OR2L13: variants seen among roughly 807,000 people sequenced by gnomAD.
OR2L13 encodes olfactory receptor 2L13.
A neutral mutation model predicts 15.3 loss-of-function variants in OR2L13; 14 were observed. The observed-to-expected ratio is 0.91, with a 90% CI of 0.60 to 1.43. OR2L13 has a LOEUF of 1.43. OR2L13 is among the 40% of genes most tolerant of loss of function. The pLI, the probability that OR2L13 is intolerant of heterozygous loss-of-function variation, is 0.00. For missense variants in OR2L13, 367 were observed against 387.9 expected (o/e 0.95, Z 0.45); for synonymous variants, 152 against 142.9 (o/e 1.06, Z -0.45).
At chr1:247,988,682 C>T in the OR2L13 span, among the ~76,000 whole-genome samples, 1 of 152,036 alleles carries the variant, frequency 6.6e-6, no homozygotes, top group Non-Finnish European at 1.5e-5. Context: ...CTAAAGACTT[C>T]AGTCCTTTTA....
chr1:247,966,172 C>T, the OR2L13 span: 13 of 1,614,094 alleles, frequency 8.1e-6, no homozygotes, highest in African/African-American at 4.0e-5. Context: ...ACACTCCTTG[C>T]GTTCCCCTTC....
chr1:248,071,005 G>C, the OR2L13 span, among the ~76,000 whole-genome samples: 1 of 152,086 alleles, frequency 6.6e-6, no homozygotes, highest in African/African-American at 2.4e-5. Flanking sequence ...ACCAAAAAGA[G>C]TCCAGGACCA....
At chr1:247,974,965 C>G in the OR2L13 span, 2 of 301,808 alleles carry the variant, frequency 6.6e-6, no homozygotes, top group Non-Finnish European at 1.4e-5. Context: ...TACATCTCCA[C>G]TATTGTCCCC....
chr1:248,032,603 A>G, the OR2L13 span, among the ~76,000 whole-genome samples: 3 of 152,210 alleles, frequency 2.0e-5, no homozygotes, highest in African/African-American at 7.2e-5. Flanking sequence ...ATAAATTCAT[A>G]CAATACTTGC....
the OR2L13 span, among the ~76,000 whole-genome samples, chr1:247,988,217 G>C: frequency 1.3e-5 from 2 of 151,692 alleles, no homozygotes; most frequent in African/African-American, 4.8e-5. Context: ...TGTTGGTCCT[G>C]TTATATTAAT....
the OR2L13 span, among the ~76,000 whole-genome samples, chr1:248,049,086 G>A: frequency 6.6e-6 from 1 of 152,034 alleles, no homozygotes; most frequent in African/African-American, 2.4e-5. Context: ...CTGTGCCTCC[G>A]TGGAAAACTG....
the OR2L13 span, among the ~76,000 whole-genome samples, chr1:247,969,478 A>G: frequency 6.6e-6 from 1 of 152,192 alleles, no homozygotes; most frequent in African/African-American, 2.4e-5. Flanking sequence ...TTCTTGACAC[A>G]TTGGTTATTA....
At chr1:248,089,590 A>T in the OR2L13 span, among the ~76,000 whole-genome samples, 1 of 152,164 alleles carries the variant, frequency 6.6e-6, no homozygotes, top group Non-Finnish European at 1.5e-5. Flanking sequence ...AAGCAAGAAG[A>T]TAATTATAGC....
the OR2L13 span, among the ~76,000 whole-genome samples, chr1:248,064,998 C>T: frequency 6.6e-6 from 1 of 152,192 alleles, no homozygotes; most frequent in Non-Finnish European, 1.5e-5. Flanking sequence ...CCCTTGTGGT[C>T]ATTAAGAAGA....
At chr1:248,005,513 T>C in the OR2L13 span, among the ~76,000 whole-genome samples, 1 of 152,214 alleles carries the variant, frequency 6.6e-6, no homozygotes, top group Non-Finnish European at 1.5e-5. Flanking sequence ...TTGTTCAAGA[T>C]TGCTTTGACT....
At chr1:248,072,801 A>G in the OR2L13 span, among the ~76,000 whole-genome samples, 4 of 152,200 alleles carry the variant, frequency 2.6e-5, no homozygotes, top group Non-Finnish European at 4.4e-5. Flanking sequence ...CAACCCCATC[A>G]AAAAGTGGGC....
the OR2L13 span, chr1:248,038,548 C>T: frequency 3.0e-5 from 49 of 1,614,064 alleles, no homozygotes; most frequent in Non-Finnish European, 4.1e-5. Context: ...ATCTCCTTCA[C>T]TGGATGTGGG....
At chr1:248,063,787 TGTGTGC>T in the OR2L13 span, among the ~76,000 whole-genome samples, 4,014 of 51,302 alleles carry the variant, frequency 0.078, 160 homozygotes, top group African/African-American at 0.15. Context: ...TATTACAAGA[TGTGTGC>T]GTGTGTGTGT....
chr1:248,038,928 C>T, the OR2L13 span: 1 of 1,614,156 alleles, frequency 6.2e-7, no homozygotes, highest in Non-Finnish European at 8.5e-7. Flanking sequence ...TGGCCGGGTT[C>T]TCCTTGCTGT....
chr1:248,020,236 C>A, the OR2L13 span, among the ~76,000 whole-genome samples: 1 of 152,040 alleles, frequency 6.6e-6, no homozygotes, highest in Non-Finnish European at 1.5e-5. Context: ...AGCAGTCAGA[C>A]AAGAGAAAGA....
chr1:248,058,888 C>T, the OR2L13 span, among the ~76,000 whole-genome samples: 1 of 151,654 alleles, frequency 6.6e-6, no homozygotes, highest in East Asian at 1.9e-4. Context: ...TTTTGTTTAC[C>T]TTCTAATAGA....
At chr1:248,024,457 A>C in the OR2L13 span, among the ~76,000 whole-genome samples, 1 of 152,200 alleles carries the variant, frequency 6.6e-6, no homozygotes, top group African/African-American at 2.4e-5. Flanking sequence ...TACTTGTATA[A>C]AATGCATTTT....
At chr1:247,971,130 CAT>C in the OR2L13 span, among the ~76,000 whole-genome samples, 1 of 152,114 alleles carries the variant, frequency 6.6e-6, no homozygotes, top group Non-Finnish European at 1.5e-5. Context: ...AATATATACT[CAT>C]GTGATCTCCA....
the OR2L13 span, among the ~76,000 whole-genome samples, chr1:248,011,912 GT>G: frequency 4.6e-5 from 7 of 151,996 alleles, no homozygotes; most frequent in African/African-American, 9.7e-5. Flanking sequence ...GACATAAATG[GT>G]TATCACCTGA....
Sources: allele counts gnomAD v4.1 joint callset (sites outside exome capture counted in the v4.1 genomes callset), GRCh38; gene constraint gnomAD v4.1.1; transcripts MANE v1.5; gene names NCBI Gene and HGNC (gene_info 2026-07-23, HGNC 2026-07-21).